RFC3: variants seen among roughly 807,000 people sequenced by gnomAD.
RFC3 encodes the protein replication factor C subunit 3.
In RFC3, 41 loss-of-function variants were observed where a neutral mutation model predicts 45.1. The observed-to-expected ratio is 0.91, with a 90% CI of 0.71 to 1.18. The LOEUF is 1.18. Ranked by LOEUF, RFC3 falls within the 50% of genes most tolerant of loss-of-function variation. The pLI, the probability that RFC3 is intolerant of heterozygous loss-of-function variation, is 0.00. For synonymous variants in RFC3, 149 were observed against 144.0 expected (o/e 1.03, Z -0.25); for missense variants, 423 against 428.1 (o/e 0.99, Z 0.10).
chr13:33,900,749 A>G (rs1369439723), intron 8 of RFC3, among the ~76,000 whole-genome samples: 3 of 151,932 alleles, frequency 2.0e-5, no homozygotes, highest in Non-Finnish European at 4.4e-5. Context: ...GACAACCCAC[A>G]GAATGGGAGA....
downstream of RFC3, among the ~76,000 whole-genome samples, chr13:33,838,226 A>G (rs2082172222): frequency 6.6e-6 from 1 of 152,150 alleles, no homozygotes; most frequent in Non-Finnish European, 1.5e-5. Context: ...GGCTAAGATC[A>G]TGTGTATGAA....
chr13:33,960,137 A>C (rs1015504529), intron 8 of RFC3, among the ~76,000 whole-genome samples: 2 of 152,132 alleles, frequency 1.3e-5, no homozygotes, highest in South Asian at 4.2e-4. Flanking sequence ...ACCAGGCCCC[A>C]CGTCTAATAC....
At chr13:33,930,486 CT>C (rs2082844455) in intron 8 of RFC3, among the ~76,000 whole-genome samples, 1 of 152,122 alleles carries the variant, frequency 6.6e-6, no homozygotes, top group Non-Finnish European at 1.5e-5. Flanking sequence ...CTTCTTCTGC[CT>C]GCTTTATACT....
intron 8 of RFC3, among the ~76,000 whole-genome samples, chr13:33,875,143 G>A (rs916794961): frequency 2.0e-5 from 3 of 152,204 alleles, no homozygotes; most frequent in Non-Finnish European, 2.9e-5. Flanking sequence ...ATTGTGCCAC[G>A]CTTTGGTAAT....
intron 8 of RFC3, among the ~76,000 whole-genome samples, chr13:33,881,537 G>T (rs1460551154): frequency 6.6e-6 from 1 of 151,574 alleles, no homozygotes; most frequent in South Asian, 2.1e-4. Flanking sequence ...CTCAGGCCTC[G>T]CAATTCCTTG....
intron 8 of RFC3, among the ~76,000 whole-genome samples, chr13:33,851,587 T>C (rs1297150644): frequency 6.6e-6 from 1 of 152,122 alleles, no homozygotes; most frequent in Non-Finnish European, 1.5e-5. Context: ...TGTCTTTGTG[T>C]TGAGCAGGCT....
intron 8 of RFC3, among the ~76,000 whole-genome samples, chr13:33,911,843 A>G (rs559065488): frequency 2.6e-5 from 4 of 152,234 alleles, no homozygotes; most frequent in African/African-American, 9.6e-5. Context: ...CCCACCTCCC[A>G]ATACCATTAT....
intron 8 of RFC3, among the ~76,000 whole-genome samples, chr13:33,853,396 A>G (rs944946964): frequency 6.6e-6 from 1 of 152,198 alleles, no homozygotes; most frequent in Admixed American, 6.5e-5. Context: ...GAGACAGAAA[A>G]TCAACTAAAT....
intron 8 of RFC3, chr13:33,849,805 A>G (rs1179876396): frequency 6.6e-6 from 1 of 152,144 alleles, no homozygotes; most frequent in Non-Finnish European, 1.5e-5. Flanking sequence ...TTGAACCGAG[A>G]GGCAGAGGTT....
At chr13:33,924,729 A>G (rs1329668) in intron 8 of RFC3, among the ~76,000 whole-genome samples, 1,600 of 84,826 alleles carry the variant, frequency 0.019, 25 homozygotes, top group African/African-American at 0.11. Flanking sequence ...GTGTGTGTGT[A>G]TATATATATA....
At chr13:33,829,272 CT>C (rs1316199357) in intron 4 of RFC3, among the ~76,000 whole-genome samples, 1 of 152,166 alleles carries the variant, frequency 6.6e-6, no homozygotes, top group African/African-American at 2.4e-5. Flanking sequence ...ATCCTCATGC[CT>C]TGTTGCCTAC....
In RFC3 at chr13:33,827,480, G is replaced by A. The variant is rs2139397253; in HGVS notation, c.391+1594G>A. Among the ~76,000 whole-genome samples the A allele has an allele frequency of 1.3e-5, 2 of 152,196 alleles. 1 individual carries two copies. The highest frequency in any genetic ancestry group is 4.1e-4 in the South Asian group (2 of 4,826). On this transcript the variant is annotated intron_variant, in intron 4 of 8. Transcript: ENST00000380071. ...CCTCAATCTGTTATTAATATTATAA[G>A]AGAAATGTTGAACATCGGTTATTAT... is the stretch of plus-strand genomic sequence containing the variant.
At chr13:33,853,150 A>G (rs2082286952) in intron 8 of RFC3, among the ~76,000 whole-genome samples, 1 of 152,200 alleles carries the variant, frequency 6.6e-6, no homozygotes, top group African/African-American at 2.4e-5. Flanking sequence ...TTTCAGGATC[A>G]AGGAGGGCTG....
chr13:33,851,367 G>T (rs1302275316), intron 8 of RFC3, among the ~76,000 whole-genome samples: 2 of 152,112 alleles, frequency 1.3e-5, no homozygotes, highest in African/African-American at 4.8e-5. Flanking sequence ...AAACTTAATA[G>T]ACTAATGTTG....
chr13:33,976,781 A>T, the RFC3 span, among the ~76,000 whole-genome samples: 1 of 152,188 alleles, frequency 6.6e-6, no homozygotes, highest in Non-Finnish European at 1.5e-5. Flanking sequence ...ATTAGCATAC[A>T]TATTCTGCCC....
At position 33,873,839 on chromosome 13, in the gene RFC3, A is replaced by G. The variant is rs1484460386; in HGVS notation, c.879+38622A>G. On this transcript the variant is annotated intron_variant, in intron 8 of 8. Transcript: ENST00000434425. ...TGAAATAATTACTTTGAGGCGGTCA[A>G]AGTCCTTTAAAAATGTTTATTCATT... Among the ~76,000 whole-genome samples the G allele has an allele frequency of 2.6e-5, 4 of 152,214 alleles. No individual in the cohort carries two copies. In the South Asian group the frequency reaches 6.2e-4, roughly 24 times the overall value.
Position 33,863,102 on chromosome 13 carries a change from A to G in RFC3, c.879+27885A>G, listed in dbSNP as rs566482667. 2.6e-5 allele frequency among the ~76,000 whole-genome samples: 4 copies of G among 152,360 alleles called. No individual in the cohort carries two copies. In the South Asian group the frequency reaches 8.3e-4, roughly 32 times the overall value. On this transcript the variant is annotated intron_variant, in intron 8 of 8. Transcript: ENST00000434425. ...AGTTGGTTAGCATGATTTTGTACCTAGAAGTACAGTCTTTGGAATGATGTT... is the reference window on the plus strand; with the variant it reads ...AGTTGGTTAGCATGATTTTGTACCTGGAAGTACAGTCTTTGGAATGATGTT...
In RFC3 at chr13:33,831,249, C is replaced by T. The variant is rs750191850; in HGVS notation, c.711-7C>T. ...TTAACTTCTTGTGTTCTCTTTTTGT[C>T]ATGTAGATATCCTTTTACTGCAGAT... On this transcript the variant is annotated splice_polypyrimidine_tract_variant and splice_region_variant and intron_variant, in intron 6 of 8. Coordinates refer to ENST00000380071, the MANE Select transcript of RFC3 (RefSeq NM_002915.4). 6.5e-7 allele frequency: 1 copy of T among 1,534,794 alleles called. No homozygotes were observed. Among genetic ancestry groups the T allele is most frequent in the Non-Finnish European group, 9.0e-7 (1 of 1,108,274 alleles).
At chr13:33,848,393 A>G (rs2082253903) in intron 8 of RFC3, 1 of 152,170 alleles carries the variant, frequency 6.6e-6, no homozygotes. Context: ...TGAGTTCAAA[A>G]AGAGTACATG....
Sources: allele counts gnomAD v4.1 joint callset (sites outside exome capture counted in the v4.1 genomes callset), GRCh38; gene constraint gnomAD v4.1.1; transcripts MANE v1.5; gene names NCBI Gene and HGNC (gene_info 2026-07-23, HGNC 2026-07-21).